Variants in MTMR1 observed in about 807,000 individuals in gnomAD.
MTMR1 encodes phosphatidylinositol-3-phosphate phosphatase MTMR1.
A neutral mutation model predicts 51.6 loss-of-function variants in MTMR1; 17 were observed. That is an observed-to-expected ratio of 0.33 (90% CI 0.23 to 0.49). MTMR1 has a LOEUF of 0.49. MTMR1 is among the 20% of genes least tolerant of loss of function. The pLI is 0.99. For synonymous variants in MTMR1, 201 were observed against 205.6 expected (o/e 0.98, Z 0.19); for missense variants, 386 against 526.9 (o/e 0.73, Z 2.62).
At position 150,730,535 on chromosome X, in the gene MTMR1, C is replaced by A; in HGVS notation, c.668C>A (p.Ala223Glu). 1 of 1,168,354 alleles carries A rather than the reference C, an allele frequency of 8.6e-7. No individual in the cohort carries two copies. Among genetic ancestry groups the A allele is most frequent in the South Asian group, 2.0e-5 (1 of 49,162 alleles). The change falls in exon 8 of 16, where the codon GCA (alanine) becomes GAA (glutamate). Residue 223 changes from alanine (A) to glutamate (E), a missense_variant. Ala to Glu is a moderately radical substitution (Grantham distance 107, BLOSUM62 -1). Coordinates refer to ENST00000445323, the MANE Select transcript of MTMR1 (RefSeq NM_001306144.3). ...FPLSNGQALFAFSYKEKFPIN... is the reference protein window; with the variant it reads ...FPLSNGQALFEFSYKEKFPIN... ...GGTTTTTGTGTCCAGGCACTATTTG[C>A]ATTCAGCTATAAAGAAAAATTTCCA...
At chrX:150,760,524 C>T (rs1185897269) in intron 15 of MTMR1, among the ~76,000 whole-genome samples, 5 of 112,178 alleles carry the variant, frequency 4.5e-5, no homozygotes, top group Non-Finnish European at 9.4e-5. Flanking sequence ...ACCCATGCGG[C>T]AAACATGACT....
intron 3 of MTMR1, among the ~76,000 whole-genome samples, chrX:150,716,700 A>G (rs2041530154): frequency 8.9e-6 from 1 of 112,413 alleles, no homozygotes; most frequent in South Asian, 3.6e-4. Context: ...TGAATTTGTT[A>G]TTTATAGTTT....
At chrX:150,729,245 C>CAT (rs1295429780) in intron 6 of MTMR1, among the ~76,000 whole-genome samples, 3 of 109,995 alleles carry the variant, frequency 2.7e-5, no homozygotes, top group Non-Finnish European at 3.8e-5. Context: ...CACACACACA[C>CAT]ATCCCAGAAT....
chrX:150,735,246 A>G (rs1279295354), intron 10 of MTMR1, among the ~76,000 whole-genome samples: 1 of 111,726 alleles, frequency 9.0e-6, no homozygotes, highest in African/African-American at 3.3e-5. Context: ...AATAAATTTT[A>G]TGTTGTTTTA....
chrX:150,719,732 C>T (rs990818462), intron 4 of MTMR1, among the ~76,000 whole-genome samples: 1 of 112,128 alleles, frequency 8.9e-6, no homozygotes, highest in Admixed American at 9.4e-5. Context: ...GTCAGTGAGT[C>T]AAAGTGAGCT....
At chrX:150,744,329 G>A (rs368379126) in intron 12 of MTMR1, 32 bp from the exon 13 acceptor site, 99 of 1,153,618 alleles carry the variant, frequency 8.6e-5, no homozygotes, top group Non-Finnish European at 1.0e-4. Context: ...TATAACATAC[G>A]TTAAAACGTT....
chrX:150,723,778 G>A (rs782660452), intron 4 of MTMR1, among the ~76,000 whole-genome samples: 15 of 111,309 alleles, frequency 1.3e-4, no homozygotes, highest in Non-Finnish European at 2.3e-4. Flanking sequence ...CCTTCTTTGC[G>A]TCTGTGTCTG....
At position 150,704,467 on chromosome X, in the gene MTMR1, C is replaced by T. The variant is rs980326218; in HGVS notation, c.252+5167C>T. Among the ~76,000 whole-genome samples, 9 of 112,040 alleles carry T rather than the reference C, an allele frequency of 8.0e-5. No individual in the cohort carries two copies. In the Middle Eastern group the frequency reaches 0.014, roughly 173 times the overall value. ...GCAGTGGTGGTGGTGTCAGGGGAGA[C>T]TGAGTGAAGAGTCATGACTTTCACT... On this transcript the variant is annotated intron_variant, in intron 2 of 15. Transcript: ENST00000445323.
intron 15 of MTMR1, among the ~76,000 whole-genome samples, chrX:150,756,275 C>T (rs1287309427): frequency 8.9e-6 from 1 of 111,880 alleles, no homozygotes; most frequent in Admixed American, 9.4e-5. Flanking sequence ...CCCTGTTAGT[C>T]CAGCAGTAGG....
intron 7 of MTMR1, 57 bp downstream of exon 7, chrX:150,730,267 A>G: frequency 1.2e-6 from 1 of 820,226 alleles, no homozygotes; most frequent in Non-Finnish European, 1.7e-6. Context: ...CAAATATCCT[A>G]TGTTTAATTA....
chrX:150,718,722 C>G, intron 4 of MTMR1, 22 bp downstream of exon 4: 1 of 1,155,208 alleles, frequency 8.7e-7, no homozygotes, highest in Non-Finnish European at 1.2e-6. Context: ...GTGTACACTT[C>G]GCTTTTTGAG....
At chrX:150,724,806 G>C (rs1203711815) in intron 4 of MTMR1, among the ~76,000 whole-genome samples, 1 of 112,050 alleles carries the variant, frequency 8.9e-6, no homozygotes, top group Middle Eastern at 4.2e-3. Flanking sequence ...TCTGCATATA[G>C]CTAGCTAATT....
At chrX:150,747,711 G>A in intron 13 of MTMR1, among the ~76,000 whole-genome samples, 1 of 111,041 alleles carries the variant, frequency 9.0e-6, no homozygotes, top group Non-Finnish European at 1.9e-5. Flanking sequence ...ATGAGTAGGT[G>A]GAGCCTTTGT....
At chrX:150,740,200 T>A (rs1451529856) in intron 12 of MTMR1, among the ~76,000 whole-genome samples, 3 of 111,896 alleles carry the variant, frequency 2.7e-5, no homozygotes, top group African/African-American at 9.8e-5. Flanking sequence ...AACTGTTGTC[T>A]GTACTCACTA....
At chrX:150,732,180 A>G (rs1434966946) in intron 9 of MTMR1, among the ~76,000 whole-genome samples, 3 of 112,111 alleles carry the variant, frequency 2.7e-5, no homozygotes, top group South Asian at 3.7e-4. Flanking sequence ...CCTGCCACGT[A>G]TATTATTGTT....
At chrX:150,753,112 T>C (rs1034200099) in intron 14 of MTMR1, among the ~76,000 whole-genome samples, 3 of 112,373 alleles carry the variant, frequency 2.7e-5, no homozygotes, top group Non-Finnish European at 3.8e-5. Flanking sequence ...GGTGAACTTA[T>C]ATGACTGTCT....
intron 2 of MTMR1, among the ~76,000 whole-genome samples, chrX:150,706,805 T>C (rs898077230): frequency 9.0e-6 from 1 of 111,365 alleles, no homozygotes; most frequent in Non-Finnish European, 1.9e-5. Flanking sequence ...CTGAAACAAT[T>C]TTGAAGAATA....
At chrX:150,726,236 A>T (rs1005850412) in intron 4 of MTMR1, among the ~76,000 whole-genome samples, 1 of 111,567 alleles carries the variant, frequency 9.0e-6, no homozygotes, top group African/African-American at 3.3e-5. Context: ...GTTCCTTATG[A>T]GGGTCTAATG....
At chrX:150,753,091 A>C (rs1268404173) in intron 14 of MTMR1, among the ~76,000 whole-genome samples, 3 of 112,138 alleles carry the variant, frequency 2.7e-5, no homozygotes, top group African/African-American at 6.5e-5. Flanking sequence ...TAGAAATGGA[A>C]TTATACAATA....
Sources: allele counts gnomAD v4.1 joint callset (sites outside exome capture counted in the v4.1 genomes callset), GRCh38; gene constraint gnomAD v4.1.1; transcripts MANE v1.5; gene names NCBI Gene and HGNC (gene_info 2026-07-23, HGNC 2026-07-21).